Variants in ARHGEF17 observed in about 807,000 individuals in gnomAD.
ARHGEF17 encodes Rho guanine nucleotide exchange factor 17, also known as 164 kDa Rho-specific guanine-nucleotide exchange factor.
ARHGEF17 carries 80 observed loss-of-function variants against 174.0 expected under a neutral mutation model. That is an observed-to-expected ratio of 0.46 (90% CI 0.38 to 0.55). The LOEUF is 0.55. Among genes scored for constraint, ARHGEF17 ranks in the 20% least tolerant of loss-of-function variants. The probability of loss-of-function intolerance (pLI) is 0.00; values close to 1 mark genes in which losing one functional copy is unlikely to be tolerated. For synonymous variants in ARHGEF17, 1,311 were observed against 1,189.1 expected (o/e 1.10, Z -2.11); for missense variants, 2,886 against 2,839.7 (o/e 1.02, Z -0.37).
chr11:73,328,911 G>C (rs1045308631), intron 1 of ARHGEF17, among the ~76,000 whole-genome samples: 3 of 152,238 alleles, frequency 2.0e-5, no homozygotes, highest in African/African-American at 7.2e-5. Context: ...CTAGGAGAGA[G>C]AGTCATGGAG....
intron 1 of ARHGEF17, among the ~76,000 whole-genome samples, chr11:73,334,686 C>T (rs1334366296): frequency 6.6e-6 from 1 of 152,192 alleles, no homozygotes; most frequent in Non-Finnish European, 1.5e-5. Flanking sequence ...GCCTGGCCCA[C>T]AGCCCAGTGA....
chr11:73,327,568 C>A lies in ARHGEF17; in HGVS notation c.3192+15738C>A, dbSNP rs148755460. 6.1e-3 allele frequency among the ~76,000 whole-genome samples: 924 copies of A among 152,292 alleles called. 9 individuals are homozygous for A. Among genetic ancestry groups the A allele is most frequent in the Middle Eastern group, 0.027 (8 of 294 alleles). The stretch of plus-strand genomic sequence containing the variant: ...CAGCCTAAGCTCCCACTTCTTTGGC[C>A]ACGAAAAATGTAGAATGAGTAGGAA... On this transcript the variant is annotated intron_variant, in intron 1 of 20. Coordinates refer to ENST00000263674, the MANE Select transcript of ARHGEF17 (RefSeq NM_014786.4).
chr11:73,309,416 C>T lies in ARHGEF17; in HGVS notation c.778C>T (p.Gln260Ter), dbSNP rs772218428. ...SSEEEEEGPP[Q>*]LPGAQSPAYH... ...CGAGGAGGAAGAGGAGGGCCCGCCG[C>T]AGCTGCCTGGAGCCCAGAGTCCGGC... is the stretch of plus-strand genomic sequence containing the variant. Residue 260 changes from glutamine to a stop codon, truncating the protein, a stop_gained, in exon 1 of 21, where the codon CAG becomes TAG. Transcript: ENST00000263674. LOFTEE classifies it high-confidence loss of function. The T allele has an allele frequency of 6.4e-7, 1 of 1,552,646 alleles. No homozygotes were observed. Among genetic ancestry groups the T allele is most frequent in the African/African-American group, 1.4e-5 (1 of 72,992 alleles).
chr11:73,326,909 A>G (rs974149651), intron 1 of ARHGEF17, among the ~76,000 whole-genome samples: 1 of 152,072 alleles, frequency 6.6e-6, no homozygotes, highest in African/African-American at 2.4e-5. Flanking sequence ...CAGTCAGGAA[A>G]TCTCTGTTGT....
chr11:73,339,066 A>T (rs533673481), intron 1 of ARHGEF17, among the ~76,000 whole-genome samples: 1 of 152,210 alleles, frequency 6.6e-6, no homozygotes, highest in East Asian at 1.9e-4. Flanking sequence ...ACAAAGATTT[A>T]ATAGGGTTGT....
chr11:73,362,008 C>A, intron 12 of ARHGEF17, 32 bp from the exon 13 acceptor site: 1 of 1,598,828 alleles, frequency 6.3e-7, no homozygotes, highest in Admixed American at 1.7e-5. Context: ...TTCCTCCATT[C>A]ACCTTCTCCT....
At chr11:73,323,823 A>G (rs1462739311) in intron 1 of ARHGEF17, among the ~76,000 whole-genome samples, 1 of 152,230 alleles carries the variant, frequency 6.6e-6, no homozygotes, top group African/African-American at 2.4e-5. Context: ...GCCCCATCTC[A>G]TCACCTGGAC....
At chr11:73,311,902 T>C in intron 1 of ARHGEF17, 72 bp downstream of exon 1, 1 of 1,496,444 alleles carries the variant, frequency 6.7e-7, no homozygotes, top group South Asian at 1.3e-5. Context: ...GTTGGAGCCT[T>C]TTGCATTGTA....
intron 1 of ARHGEF17, among the ~76,000 whole-genome samples, chr11:73,336,026 A>G (rs1174449168): frequency 1.3e-5 from 2 of 152,128 alleles, no homozygotes; most frequent in African/African-American, 4.8e-5. Context: ...ATTTCCATCT[A>G]ACTCCCAGCC....
In ARHGEF17 at chr11:73,365,316, G is replaced by A; in HGVS notation, c.5551-74G>A. On this transcript the variant is annotated intron_variant, in intron 18 of 20. Transcript: ENST00000263674. This position sits in a 1 kb window ranked among gnomAD's most constrained non-coding sequence, Gnocchi z 4.9. ...TGTGAGTTGTGAGGGATGGACACTG[G>A]TGAAGCTCCAGGCTAGGGTGGGCCA... 5.2e-6 allele frequency: 8 copies of A among 1,552,786 alleles called. No individual in the cohort carries two copies. The highest frequency in any genetic ancestry group is 6.2e-6 in the Non-Finnish European group (7 of 1,136,194).
chr11:73,336,364 A>G (rs1381457216), intron 1 of ARHGEF17, among the ~76,000 whole-genome samples: 1 of 152,262 alleles, frequency 6.6e-6, no homozygotes, highest in Admixed American at 6.5e-5. Flanking sequence ...ATGAGCTCCC[A>G]CCAAGGATAC....
chr11:73,360,597 T>C, intron 11 of ARHGEF17, 64 bp downstream of exon 11: 1 of 1,569,676 alleles, frequency 6.4e-7, no homozygotes, highest in East Asian at 2.2e-5. Flanking sequence ...CAGAGGCATC[T>C]CACAGCTGTC....
chr11:73,365,008 T>G lies in ARHGEF17; in HGVS notation c.5551-382T>G, dbSNP rs752784793. 1.3e-5 allele frequency: 4 copies of G among 303,936 alleles called. No individual in the cohort carries two copies. The highest frequency in any genetic ancestry group is 2.4e-5 in the Non-Finnish European group (4 of 163,388). The allele number at this position is 303,936 out of a possible 1,614,324, so 18.8% of individuals were successfully genotyped here. A position where few individuals can be genotyped will look rare whatever the true frequency, so the allele number is the denominator to read the frequency against. ...GGTTCCCTTAATTTCCCTCACTTAT[T>G]CCATTGTTGGCTGGGCAGGAGTCCA... is the stretch of plus-strand genomic sequence containing the variant. On this transcript the variant is annotated intron_variant, in intron 18 of 20. Transcript: ENST00000263674. This position sits in a 1 kb window ranked among gnomAD's most constrained non-coding sequence, Gnocchi z 4.9.
intron 1 of ARHGEF17, among the ~76,000 whole-genome samples, chr11:73,334,012 G>A (rs1160450435): frequency 2.0e-5 from 3 of 152,198 alleles, no homozygotes; most frequent in Non-Finnish European, 4.4e-5. Context: ...AATGTGAACT[G>A]AGCACTTAAC....
At chr11:73,363,659 G>A (rs542125741) in intron 15 of ARHGEF17, 88 bp from the exon 16 acceptor site, 29 of 1,546,704 alleles carry the variant, frequency 1.9e-5, no homozygotes, top group South Asian at 6.8e-5. Context: ...CATTGAAGAC[G>A]TGGTGCTAGG....
At chr11:73,360,205 G>T in intron 10 of ARHGEF17, 115 bp from the exon 11 acceptor site, 2 of 1,203,996 alleles carry the variant, frequency 1.7e-6, no homozygotes, top group South Asian at 1.4e-5. Context: ...CAGGTCTGAG[G>T]GAGGAGACAG....
Position 73,311,000 on chromosome 11 carries a change from G to T in ARHGEF17, c.2362G>T (p.Val788Leu). 1 of 1,614,190 alleles carries T rather than the reference G, an allele frequency of 6.2e-7. No individual in the cohort carries two copies. The highest frequency in any genetic ancestry group is 8.5e-7 in the Non-Finnish European group (1 of 1,180,026). The change falls in exon 1 of 21, where the codon GTG becomes TTG. Residue 788 changes from valine to leucine, a missense_variant. Coordinates refer to ENST00000263674, the MANE Select transcript of ARHGEF17 (RefSeq NM_014786.4). ...GACCAGTGGTCACAGTGACTGGTCTGTGGGCAGTGAAGAGAGCAAGGGATA... is the reference window on the plus strand; with the variant it reads ...GACCAGTGGTCACAGTGACTGGTCTTTGGGCAGTGAAGAGAGCAAGGGATA... ...GLTSGHSDWS[V>L]GSEESKGYQE...
At chr11:73,331,980 C>T (rs148177151) in intron 1 of ARHGEF17, among the ~76,000 whole-genome samples, 143 of 152,310 alleles carry the variant, frequency 9.4e-4, no homozygotes, top group African/African-American at 3.3e-3. Flanking sequence ...AAAGGAGCTA[C>T]CATGGCCCCA....
chr11:73,350,622 A>C (rs1865538177), intron 2 of ARHGEF17, among the ~76,000 whole-genome samples: 1 of 152,218 alleles, frequency 6.6e-6, no homozygotes, highest in Non-Finnish European at 1.5e-5. Flanking sequence ...AAGAAGTTAA[A>C]TAGAAGTTAG....
Sources: gnomAD v4.1 joint callset for allele counts (sites outside exome capture counted in the v4.1 genomes callset) on GRCh38, gnomAD v4.1.1 for gene constraint, Gnocchi (gnomAD v3.1) non-coding constraint, MANE v1.5 for transcripts, NCBI Gene and HGNC (gene_info 2026-07-23, HGNC 2026-07-21) for gene names.